Variants in MIPOL1 observed in about 807,000 individuals in gnomAD.
MIPOL1 encodes mirror-image polydactyly 1, also known as mirror-image polydactyly gene 1 protein.
In MIPOL1, 57 loss-of-function variants were observed where a neutral mutation model predicts 60.9. That is an observed-to-expected ratio of 0.94 (90% confidence interval 0.76 to 1.17). MIPOL1 has a LOEUF of 1.17. MIPOL1 is among the 50% of genes most tolerant of loss of function. The pLI is 0.00. For missense variants in MIPOL1, 551 were observed against 511.6 expected (o/e 1.08, Z -0.74); for synonymous variants, 179 against 168.8 (o/e 1.06, Z -0.47).
chr14:37,284,110 A>G (rs1024700437), intron 6 of MIPOL1, among the ~76,000 whole-genome samples: 1 of 151,908 alleles, frequency 6.6e-6, no homozygotes, highest in South Asian at 2.1e-4. Flanking sequence ...ATAACATTAA[A>G]CCTCCTGATA....
At chr14:37,455,851 G>A (rs906260761) in intron 11 of MIPOL1, among the ~76,000 whole-genome samples, 3 of 151,920 alleles carry the variant, frequency 2.0e-5, no homozygotes, top group Non-Finnish European at 2.9e-5. Context: ...TGAAAATTAC[G>A]TGATTTTAAT....
intron 9 of MIPOL1, among the ~76,000 whole-genome samples, chr14:37,309,328 T>G (rs1212989185): frequency 6.6e-6 from 1 of 151,938 alleles, no homozygotes; most frequent in Non-Finnish European, 1.5e-5. Context: ...GCTCTGAAAC[T>G]CATGCATCAG....
At chr14:37,551,342 C>T (rs2095561263), downstream of MIPOL1, 4 of 151,972 alleles carry the variant, frequency 2.6e-5, no homozygotes, top group Middle Eastern at 6.9e-3. Context: ...ACTAGATATG[C>T]ACTATAAAAT....
intron 9 of MIPOL1, among the ~76,000 whole-genome samples, chr14:37,356,616 G>C (rs1016053523): frequency 3.3e-5 from 5 of 152,202 alleles, no homozygotes; most frequent in Non-Finnish European, 7.3e-5. Flanking sequence ...ATGGTGAGCT[G>C]TTTTTTAAGC....
chr14:37,242,144 A>G (rs1366246021), intron 1 of MIPOL1, among the ~76,000 whole-genome samples: 1 of 151,902 alleles, frequency 6.6e-6, no homozygotes, highest in African/African-American at 2.4e-5. Context: ...TTATTTGTAA[A>G]TATTTAATTA....
chr14:37,481,847 T>C (rs1307408119), intron 11 of MIPOL1, among the ~76,000 whole-genome samples: 1 of 152,152 alleles, frequency 6.6e-6, no homozygotes, highest in East Asian at 1.9e-4. Context: ...AAGGATAGTC[T>C]TTTCAATAAA....
intron 7 of MIPOL1, among the ~76,000 whole-genome samples, chr14:37,298,703 A>G (rs1201575734): frequency 6.6e-6 from 1 of 152,200 alleles, no homozygotes; most frequent in Non-Finnish European, 1.5e-5. Flanking sequence ...AAAAATGCTC[A>G]TCATCACTGG....
chr14:37,235,176 T>C (rs1457602760), intron 1 of MIPOL1, among the ~76,000 whole-genome samples: 1 of 152,122 alleles, frequency 6.6e-6, no homozygotes, highest in Non-Finnish European at 1.5e-5. Flanking sequence ...TCTGAGCTAT[T>C]GTTCTCTCTT....
chr14:37,406,768 A>G (rs753298095), intron 10 of MIPOL1, among the ~76,000 whole-genome samples: 7 of 152,168 alleles, frequency 4.6e-5, no homozygotes, highest in Non-Finnish European at 7.4e-5. Flanking sequence ...TCTGAAGACC[A>G]TTAAATACTA....
intron 11 of MIPOL1, among the ~76,000 whole-genome samples, 170 bp from the exon 12 acceptor site, chr14:37,499,738 A>G (rs1431219326): frequency 6.6e-6 from 1 of 152,228 alleles, no homozygotes; most frequent in Non-Finnish European, 1.5e-5. Context: ...GCCTAGAAGC[A>G]GAGAAATTAT....
chr14:37,513,628 G>T (rs1179134500), intron 12 of MIPOL1, among the ~76,000 whole-genome samples: 2 of 152,060 alleles, frequency 1.3e-5, no homozygotes, highest in East Asian at 1.9e-4. Context: ...AAGAAAAAGG[G>T]CTCTTTAAAC....
intron 12 of MIPOL1, chr14:37,504,473 C>T (rs1355931682): frequency 2.0e-5 from 3 of 152,162 alleles, no homozygotes; most frequent in African/African-American, 4.8e-5. Flanking sequence ...TGAACAACTA[C>T]GTGGAAACTG....
intron 12 of MIPOL1, among the ~76,000 whole-genome samples, chr14:37,519,369 A>T (rs1376258390): frequency 6.6e-6 from 1 of 152,160 alleles, no homozygotes; most frequent in Non-Finnish European, 1.5e-5. Context: ...GATAGACCTA[A>T]ACCACTCAAC....
At chr14:37,321,482 T>G (rs1715752724) in intron 9 of MIPOL1, among the ~76,000 whole-genome samples, 1 of 151,988 alleles carries the variant, frequency 6.6e-6, no homozygotes, top group African/African-American at 2.4e-5. Context: ...CCTTAGAAAT[T>G]TTTTGATACT....
chr14:37,326,975 A>G lies in MIPOL1; in HGVS notation c.828+18456A>G, dbSNP rs116794528. On this transcript the variant is annotated intron_variant, in intron 9 of 12. Transcript: ENST00000684589. The stretch of plus-strand genomic sequence containing the variant: ...AAGAGCAGAAAATGAAAAAAAAACT[A>G]TGAGTGTAGCTAGAGACAATTCTTG... 4.0e-3 allele frequency among the ~76,000 whole-genome samples: 612 copies of G among 152,286 alleles called. 4 individuals carry two copies. Among genetic ancestry groups the G allele is most frequent in the African/African-American group, 0.014 (585 of 41,560 alleles).
At chr14:37,358,836 A>T (rs2092030166) in intron 9 of MIPOL1, among the ~76,000 whole-genome samples, 1 of 152,066 alleles carries the variant, frequency 6.6e-6, no homozygotes, top group Non-Finnish European at 1.5e-5. Context: ...TCTTTAGTTT[A>T]ATCAGATCCT....
At chr14:37,267,857 G>T (rs989226800) in intron 4 of MIPOL1, among the ~76,000 whole-genome samples, 2 of 152,102 alleles carry the variant, frequency 1.3e-5, no homozygotes, top group Non-Finnish European at 2.9e-5. Flanking sequence ...TTTGGTTTGG[G>T]TTAGCGCTAT....
chr14:37,361,341 G>T (rs2092225403), intron 9 of MIPOL1, among the ~76,000 whole-genome samples: 3 of 152,098 alleles, frequency 2.0e-5, no homozygotes. Flanking sequence ...GGTCCCCTTG[G>T]TGCAGAGCTG....
chr14:37,266,102 C>T (rs539751074), intron 3 of MIPOL1, among the ~76,000 whole-genome samples: 2 of 152,216 alleles, frequency 1.3e-5, no homozygotes, highest in African/African-American at 4.8e-5. Context: ...AACACAGAGT[C>T]TTCTTATTAG....
Sources: gnomAD v4.1 joint callset for allele counts (sites outside exome capture counted in the v4.1 genomes callset) on GRCh38, gnomAD v4.1.1 for gene constraint, MANE v1.5 for transcripts, NCBI Gene and HGNC (gene_info 2026-07-23, HGNC 2026-07-21) for gene names.